Variants in CNTN2 observed in about 807,000 individuals in gnomAD.
CNTN2 encodes the protein contactin 2.
In CNTN2, 53 loss-of-function variants were observed where a neutral mutation model predicts 117.5. The ratio of observed to expected loss-of-function variants is 0.45; its 90% CI spans 0.36 to 0.57. The LOEUF (loss-of-function observed/expected upper bound fraction) is 0.57. CNTN2 is among the 20% of genes least tolerant of loss of function. CNTN2 has a pLI of 0.00. For synonymous variants in CNTN2, 530 were observed against 561.7 expected, an observed-to-expected ratio of 0.94 and a Z score of 0.80; for missense variants, 1,106 against 1,404.3, an observed-to-expected ratio of 0.79 and a Z score of 3.39.
Position 205,066,586 on chromosome 1 carries a change from G to A in CNTN2, c.1962G>A (p.Lys654=), listed in dbSNP as rs748939126. 1 of 1,614,000 alleles carries A rather than the reference G, an allele frequency of 6.2e-7. No homozygotes were observed. The highest frequency in any genetic ancestry group is 1.1e-5 in the South Asian group (1 of 91,066). The change falls in exon 15 of 23, where the codon AAG becomes AAA. Residue 654 remains lysine (K), a synonymous_variant. Coordinates refer to ENST00000331830, the MANE Select transcript of CNTN2 (RefSeq NM_005076.5). The part of the protein sequence containing the change: ...QARTPPAGKW[K]QVRTNPANIE... ...GCACTCCACCTGCAGGGAAGTGGAA[G>A]CAGGTTCGGACCAGTAAGTGTGAGC...
intron 9 of CNTN2, chr1:205,062,206 C>A: frequency 1.2e-6 from 1 of 837,822 alleles, no homozygotes; most frequent in Non-Finnish European, 1.8e-6. Flanking sequence ...CACAGTTCAG[C>A]CACAAAAGAA....
rs2096447059 is a variant in CNTN2 at position 205,048,933 on chromosome 1, G to GTC, written c.-86-4166_-86-4165insCT. The stretch of plus-strand genomic sequence containing the variant: ...TGCGTGTGTGTGTGTGTGTGTGTGT[G>GTC]TGTGTGTGTGTGTGTGTGTGTGTGT... On this transcript the variant is annotated intron_variant, in intron 1 of 22. Coordinates refer to ENST00000331830, the MANE Select transcript of CNTN2 (RefSeq NM_005076.5). The surrounding 1 kb of genome is among the most constrained non-coding windows in gnomAD (Gnocchi z 4.1). 6.6e-6 allele frequency among the ~76,000 whole-genome samples: 1 copy of GTC among 150,660 alleles called. No homozygotes were observed. Among genetic ancestry groups the GTC allele is most frequent in the Non-Finnish European group, 1.5e-5 (1 of 67,594 alleles).
Position 205,066,958 on chromosome 1 carries a change from C to A in CNTN2, c.1976-143C>A, listed in dbSNP as rs575414054. 2.2e-4 allele frequency: 227 copies of A among 1,054,958 alleles called. 1 individual carries two copies. In the Admixed American group the frequency reaches 5.1e-3, roughly 24 times the overall value. 65.3% of individuals were successfully genotyped at this position (1,054,958 alleles called of 1,614,324 possible). ...AAATTGAGTAGTTTTTCAATCATTT[C>A]TGAAAAAGGTACTGAGTGCTTAGTA... On this transcript the variant is annotated intron_variant, in intron 15 of 22. Coordinates refer to ENST00000331830, the MANE Select transcript of CNTN2 (RefSeq NM_005076.5).
In CNTN2 at chr1:205,058,805, C is replaced by G. The variant is rs1441307938; in HGVS notation, c.487+142C>G. 7.2e-6 allele frequency: 5 copies of G among 691,254 alleles called. No homozygotes were observed. The Admixed American group carries it at 1.4e-4, about 20-fold the overall frequency. The allele number at this position is 691,254 out of a possible 1,614,324, so 42.8% of individuals were successfully genotyped here. Reference sequence around the variant, plus strand: ...CCCTGGGACCCTAACTTTAAATGATCTGTGTTTCCTTTATAGGTCTGTCAC... The same window carrying G: ...CCCTGGGACCCTAACTTTAAATGATGTGTGTTTCCTTTATAGGTCTGTCAC... On this transcript the variant is annotated intron_variant, in intron 5 of 22. Transcript: ENST00000331830. This position sits in a 1 kb window ranked among gnomAD's most constrained non-coding sequence, Gnocchi z 4.3.
chr1:205,050,278 A>AGTGTGTATGTGT (rs2096450117), intron 1 of CNTN2, among the ~76,000 whole-genome samples: 1 of 145,392 alleles, frequency 6.9e-6, no homozygotes, highest in African/African-American at 2.6e-5. Flanking sequence ...TAGAGCTCTG[A>AGTGTGTATGTGT]GTGTGTGTGT....
intron 12 of CNTN2, 127 bp from the exon 13 acceptor site, chr1:205,064,960 G>T: frequency 8.0e-7 from 1 of 1,243,170 alleles, no homozygotes; most frequent in Non-Finnish European, 1.1e-6. Context: ...GGGCAGTTGG[G>T]ACCTGTGGGT....
In CNTN2 at chr1:205,064,765, G is replaced by C; in HGVS notation, c.1519+15G>C. ...ATCTGTGCGAGGTGAGGGCTGCCAT[G>C]TGGGTAGGCCGGGGGCTCAGCCTCC... On this transcript the variant is annotated intron_variant, in intron 12 of 22. Coordinates refer to ENST00000331830, the MANE Select transcript of CNTN2 (RefSeq NM_005076.5). The C allele has an allele frequency of 1.9e-6, 3 of 1,613,496 alleles. No individual in the cohort carries two copies. The highest frequency in any genetic ancestry group is 2.5e-6 in the Non-Finnish European group (3 of 1,179,734).
intron 12 of CNTN2, 123 bp from the exon 13 acceptor site, chr1:205,064,964 T>C (rs756492214): frequency 1.0e-5 from 13 of 1,257,346 alleles, no homozygotes; most frequent in Non-Finnish European, 1.4e-5. Context: ...AGTTGGGACC[T>C]GTGGGTCACA....
At chr1:205,050,555 C>T (rs963034912) in intron 1 of CNTN2, among the ~76,000 whole-genome samples, 11 of 152,146 alleles carry the variant, frequency 7.2e-5, no homozygotes, top group African/African-American at 4.8e-5. Context: ...ATATTTAACA[C>T]GTTATTATAA....
intron 1 of CNTN2, among the ~76,000 whole-genome samples, chr1:205,044,413 C>T (rs1051942720): frequency 1.4e-5 from 2 of 147,078 alleles, no homozygotes; most frequent in African/African-American, 5.3e-5. Context: ...GGGATGGAGA[C>T]GGGCACCCTC....
intron 1 of CNTN2, among the ~76,000 whole-genome samples, chr1:205,044,093 C>T (rs566522462): frequency 6.6e-6 from 1 of 151,970 alleles, no homozygotes; most frequent in African/African-American, 2.4e-5. Flanking sequence ...TCAAATCCCT[C>T]CCCCCCATCC....
chr1:205,044,459 G>T (rs1017407491), intron 1 of CNTN2, among the ~76,000 whole-genome samples: 5 of 116,448 alleles, frequency 4.3e-5, no homozygotes, highest in Non-Finnish European at 6.7e-5. Context: ...CCTGTGTCCT[G>T]GGGGGGGGGG....
Position 205,058,620 on chromosome 1 carries a change from C to T in CNTN2, c.444C>T (p.Gly148=). 1 of 1,614,008 alleles carries T rather than the reference C, an allele frequency of 6.2e-7. No individual in the cohort carries two copies. The highest frequency in any genetic ancestry group is 1.3e-5 in the African/African-American group (1 of 75,024). ...EERDPVKAHE[G]WGVMLPCNPP... Reference sequence around the variant, plus strand: ...GAGACCCAGTGAAAGCTCATGAAGGCTGGGGGGTGATGTTGCCCTGTAACC... The same window carrying T: ...GAGACCCAGTGAAAGCTCATGAAGGTTGGGGGGTGATGTTGCCCTGTAACC... The change falls in exon 5 of 23, where the codon GGC becomes GGT. Residue 148 remains glycine (G), a synonymous_variant. Transcript: ENST00000331830. This position sits in a 1 kb window ranked among gnomAD's most constrained non-coding sequence, Gnocchi z 4.3.
chr1:205,055,491 A>C (rs2151187526), intron 2 of CNTN2, among the ~76,000 whole-genome samples: 1 of 152,230 alleles, frequency 6.6e-6, no homozygotes, highest in South Asian at 2.1e-4. Flanking sequence ...TGTGTCCAGA[A>C]AGTCTCACAG....
chr1:205,071,837 C>A, intron 19 of CNTN2, 110 bp from the exon 20 acceptor site: 1 of 1,071,394 alleles, frequency 9.3e-7, no homozygotes, highest in Non-Finnish European at 1.3e-6. Flanking sequence ...AGGCCTAAGA[C>A]TGGGTCACAG....
At position 205,061,811 on chromosome 1, in the gene CNTN2, G is replaced by A; in HGVS notation, c.974-54G>A. On this transcript the variant is annotated intron_variant, in intron 8 of 22. Coordinates refer to ENST00000331830, the MANE Select transcript of CNTN2 (RefSeq NM_005076.5). This position sits in a 1 kb window ranked among gnomAD's most constrained non-coding sequence, Gnocchi z 4.8. Reference sequence around the variant, plus strand: ...GCCCTGATTTTCTGTTCCTTTTAATGAGCTGGAAGCTCCTCCTAGCTCATG... The same window carrying A: ...GCCCTGATTTTCTGTTCCTTTTAATAAGCTGGAAGCTCCTCCTAGCTCATG... The A allele has an allele frequency of 1.3e-6, 2 of 1,486,142 alleles. No homozygotes were observed. Among genetic ancestry groups the A allele is most frequent in the Non-Finnish European group, 1.8e-6 (2 of 1,117,144 alleles). The allele number at this position is 1,486,142 out of a possible 1,614,324, so 92.1% of individuals were successfully genotyped here.
At chr1:205,071,017 C>T (rs1654568343) in intron 19 of CNTN2, among the ~76,000 whole-genome samples, 2 of 151,812 alleles carry the variant, frequency 1.3e-5, no homozygotes, top group South Asian at 4.2e-4. Context: ...AAAAAAGACC[C>T]CATGGCTTAT....
chr1:205,047,352 C>G (rs947769823), intron 1 of CNTN2, among the ~76,000 whole-genome samples: 1 of 152,106 alleles, frequency 6.6e-6, no homozygotes, highest in African/African-American at 2.4e-5. Context: ...CACCACAGAG[C>G]CCTGTACTGA....
chr1:205,066,928 T>C (rs1035461399), intron 15 of CNTN2, among the ~76,000 whole-genome samples, 173 bp from the exon 16 acceptor site: 1 of 152,014 alleles, frequency 6.6e-6, no homozygotes, highest in Non-Finnish European at 1.5e-5. Flanking sequence ...GGCACCAAGA[T>C]AGGGAAATTG....
Sources: allele counts gnomAD v4.1 joint callset (sites outside exome capture counted in the v4.1 genomes callset), GRCh38; gene constraint gnomAD v4.1.1; non-coding constraint Gnocchi (gnomAD v3.1); transcripts MANE v1.5; gene names NCBI Gene and HGNC (gene_info 2026-07-23, HGNC 2026-07-21).